Variants in FHIT observed in about 807,000 individuals in gnomAD.
FHIT encodes the protein fragile histidine triad diadenosine triphosphatase, also known as bis(5'-adenosyl)-triphosphatase.
In FHIT, 19 loss-of-function variants were observed where a neutral mutation model predicts 17.9. The observed-to-expected ratio is 1.06, with a 90% confidence interval of 0.74 to 1.56. FHIT has a LOEUF of 1.56. FHIT is among the 40% of genes most tolerant of loss of function. FHIT has a pLI of 0.00. For missense variants in FHIT, 248 were observed against 189.2 expected (o/e 1.31, Z -1.82); for synonymous variants, 81 against 69.7 (o/e 1.16, Z -0.81).
At position 60,305,833 on chromosome 3, in the gene FHIT, C is replaced by T. The variant is rs572406406; in HGVS notation, c.103+231027G>A. 2.0e-5 allele frequency among the ~76,000 whole-genome samples: 3 copies of T among 152,166 alleles called. No homozygotes were observed. In the South Asian group the frequency reaches 6.2e-4, roughly 32 times the overall value. On this transcript the variant is annotated intron_variant, in intron 5 of 9. Transcript: ENST00000492590. ...CTTAGCAATTTTTAATAATTTTAAA[C>T]TGATGTGCTATTTAATGGTTTGGTG...
intron 7 of FHIT, among the ~76,000 whole-genome samples, chr3:59,962,567 G>C (rs185665552): frequency 6.6e-6 from 1 of 152,128 alleles, no homozygotes; most frequent in South Asian, 2.1e-4. Context: ...CTAAGCAAAA[G>C]GACAGCTAAT....
chr3:60,562,513 C>T (rs1003572597), intron 4 of FHIT, among the ~76,000 whole-genome samples: 4 of 152,098 alleles, frequency 2.6e-5, no homozygotes, highest in African/African-American at 9.7e-5. Context: ...CAGCTTTTCC[C>T]CACTCCTAGG....
At chr3:61,156,444 G>GA (rs1258363772) in intron 2 of FHIT, among the ~76,000 whole-genome samples, 1 of 151,842 alleles carries the variant, frequency 6.6e-6, no homozygotes, top group South Asian at 2.1e-4. Flanking sequence ...AACATTTATC[G>GA]AAACGGTCCC....
At chr3:60,442,017 CCTGA>C (rs926697563) in intron 5 of FHIT, among the ~76,000 whole-genome samples, 1 of 150,432 alleles carries the variant, frequency 6.6e-6, no homozygotes, top group East Asian at 2.0e-4. Flanking sequence ...TGCTACCATG[CCTGA>C]CTAATTTTTT....
chr3:60,004,543 C>T (rs750100438), intron 7 of FHIT, among the ~76,000 whole-genome samples: 3 of 152,058 alleles, frequency 2.0e-5, no homozygotes, highest in Non-Finnish European at 4.4e-5. Flanking sequence ...TTATTCCAAG[C>T]AGAGCAAAAT....
intron 5 of FHIT, among the ~76,000 whole-genome samples, chr3:60,398,056 T>C (rs1483893250): frequency 6.6e-6 from 1 of 152,106 alleles, no homozygotes; most frequent in Non-Finnish European, 1.5e-5. Flanking sequence ...TTTCACTTAA[T>C]GAATTCTACT....
chr3:60,511,533 A>G (rs572659177), intron 5 of FHIT, among the ~76,000 whole-genome samples: 1 of 152,322 alleles, frequency 6.6e-6, no homozygotes, highest in South Asian at 2.1e-4. Flanking sequence ...GTCTTAGAAT[A>G]AATAGAAGAG....
rs545491078 is a variant in FHIT, at chr3:60,386,053, T to G, written c.103+150807A>C. Among the ~76,000 whole-genome samples the G allele has an allele frequency of 1.2e-3, 185 of 152,212 alleles. 1 individual carries two copies. The highest frequency in any genetic ancestry group is 6.8e-3 in the Middle Eastern group (2 of 294). On this transcript the variant is annotated intron_variant, in intron 5 of 9. Coordinates refer to ENST00000492590, the MANE Select transcript of FHIT (RefSeq NM_002012.4). ...CAGGGTAACTGATCCATGGGTTACA[T>G]TAGAGGAAATTGAAGCATAAGGCAA...
At chr3:61,122,732 A>C (rs1451100148) in intron 2 of FHIT, among the ~76,000 whole-genome samples, 2 of 152,184 alleles carry the variant, frequency 1.3e-5, no homozygotes, top group Admixed American at 6.5e-5. Flanking sequence ...ATTTATGTGG[A>C]CAACAAACAT....
At chr3:60,433,857 T>C (rs1355598927) in intron 5 of FHIT, among the ~76,000 whole-genome samples, 1 of 152,146 alleles carries the variant, frequency 6.6e-6, no homozygotes, top group Non-Finnish European at 1.5e-5. Context: ...TTTTCTCCTA[T>C]TCCATAGGTG....
chr3:61,104,264 G>A (rs1027247432), intron 2 of FHIT, among the ~76,000 whole-genome samples: 7 of 152,082 alleles, frequency 4.6e-5, no homozygotes, highest in African/African-American at 1.7e-4. Context: ...CAGGTCTGCT[G>A]GTAGTGAATT....
intron 5 of FHIT, among the ~76,000 whole-genome samples, chr3:60,149,366 T>C (rs1057316711): frequency 1.5e-4 from 23 of 152,020 alleles, no homozygotes; most frequent in African/African-American, 5.1e-4. Flanking sequence ...AGGATCAATG[T>C]TGATGGACTG....
chr3:60,009,374 C>G (rs903742888), intron 7 of FHIT, among the ~76,000 whole-genome samples: 1 of 151,974 alleles, frequency 6.6e-6, no homozygotes, highest in African/African-American at 2.4e-5. Flanking sequence ...AAAACAGAAT[C>G]GTTTTAAAAA....
chr3:60,905,226 CA>C (rs1553764228), intron 3 of FHIT, among the ~76,000 whole-genome samples: 1 of 151,908 alleles, frequency 6.6e-6, no homozygotes, highest in South Asian at 2.1e-4. Flanking sequence ...AAAGTTGATC[CA>C]AAAAAAGTAC....
chr3:61,213,410 G>A (rs1396594090), intron 1 of FHIT, among the ~76,000 whole-genome samples: 1 of 152,156 alleles, frequency 6.6e-6, no homozygotes, highest in East Asian at 1.9e-4. Flanking sequence ...AGAGAAAGAA[G>A]GCCATTACGT....
intron 2 of FHIT, among the ~76,000 whole-genome samples, chr3:61,125,724 C>G (rs9876067): frequency 0.27 from 41,127 of 152,082 alleles, 5,908 homozygotes; most frequent in African/African-American, 0.38. Flanking sequence ...TCCCCTTTTA[C>G]ATCAGAGTCT....
chr3:60,829,192 C>A (rs1444155075), intron 3 of FHIT, among the ~76,000 whole-genome samples: 1 of 152,188 alleles, frequency 6.6e-6, no homozygotes, highest in Non-Finnish European at 1.5e-5. Flanking sequence ...CAGATATGAT[C>A]CATGCCTGCA....
chr3:60,420,858 G>A (rs1702438841), intron 5 of FHIT, among the ~76,000 whole-genome samples: 1 of 152,054 alleles, frequency 6.6e-6, no homozygotes, highest in Non-Finnish European at 1.5e-5. Flanking sequence ...GAAAATACAT[G>A]CTTTCATACA....
chr3:61,097,235 G>C (rs1283244998), intron 2 of FHIT, among the ~76,000 whole-genome samples: 1 of 152,128 alleles, frequency 6.6e-6, no homozygotes, highest in East Asian at 1.9e-4. Flanking sequence ...ATGTCAGACA[G>C]TGGGTGCAGG....
Sources: gnomAD v4.1 joint callset for allele counts (sites outside exome capture counted in the v4.1 genomes callset) on GRCh38, gnomAD v4.1.1 for gene constraint, MANE v1.5 for transcripts, NCBI Gene and HGNC (gene_info 2026-07-23, HGNC 2026-07-21) for gene names.